SYNM: variants seen among roughly 807,000 people sequenced by gnomAD.
SYNM encodes the protein desmuslin.
A neutral mutation model predicts 104.0 loss-of-function variants in SYNM; 95 were observed. The observed-to-expected ratio is 0.91, with a 90% confidence interval of 0.77 to 1.08. The LOEUF is 1.08. Ranked by LOEUF, SYNM falls within the 50% of genes least tolerant of loss-of-function variation. The pLI, the probability that SYNM is intolerant of heterozygous loss-of-function variation, is 0.00. For missense variants in SYNM, 2,150 were observed against 2,052.2 expected (o/e 1.05, Z -0.92); for synonymous variants, 918 against 869.0 (o/e 1.06, Z -0.99).
intron 1 of SYNM, among the ~76,000 whole-genome samples, chr15:99,109,850 C>T (rs2067285055): frequency 6.6e-6 from 1 of 152,126 alleles, no homozygotes; most frequent in African/African-American, 2.4e-5. Flanking sequence ...GGCTAGGGCA[C>T]AGTGAACAGG....
chr15:99,114,787 C>T (rs1220612005), intron 2 of SYNM, among the ~76,000 whole-genome samples: 1 of 148,524 alleles, frequency 6.7e-6, no homozygotes, highest in Admixed American at 6.8e-5. Context: ...ACCCTCCTTT[C>T]CCCTGGGTGC....
chr15:99,132,736 C>A lies in SYNM; in HGVS notation c.4376C>A (p.Ser1459Ter). 1 of 1,613,912 alleles carries A rather than the reference C, an allele frequency of 6.2e-7. No homozygotes were observed. The highest frequency in any genetic ancestry group is 8.5e-7 in the Non-Finnish European group (1 of 1,179,890). ...ATTGCACCAGGGCCCAAAGAAACTT[C>A]GTTTACCTTTCAGATGGATGTGAGT... ...RHIAPGPKETSFTFQMDVSNV... is the reference protein window; with the variant it reads ...RHIAPGPKET Residue 1459 changes from serine to a stop codon, truncating the protein, a stop_gained, in exon 4 of 4, where the codon TCG becomes TAG. Coordinates refer to ENST00000336292, the MANE Select transcript of SYNM (RefSeq NM_145728.3). LOFTEE classifies it high-confidence loss of function.
chr15:99,127,602 G>T (rs1393884776), intron 3 of SYNM, among the ~76,000 whole-genome samples: 1 of 152,064 alleles, frequency 6.6e-6, no homozygotes, highest in African/African-American at 2.4e-5. Context: ...AGAATATTTG[G>T]GTTCTAGTCA....
intron 2 of SYNM, among the ~76,000 whole-genome samples, chr15:99,122,431 G>GT (rs2067409730): frequency 6.6e-6 from 1 of 151,996 alleles, no homozygotes; most frequent in African/African-American, 2.4e-5. Flanking sequence ...AGTACATTTT[G>GT]TTTTTTTAAG....
At chr15:99,117,692 C>T (rs1425954661) in intron 2 of SYNM, among the ~76,000 whole-genome samples, 1 of 151,864 alleles carries the variant, frequency 6.6e-6, no homozygotes, top group East Asian at 1.9e-4. Flanking sequence ...TCCTGAAAAG[C>T]CAGTGTAAAC....
Position 99,130,589 on chromosome 15 carries a change from C to T in SYNM, c.2229C>T (p.Val743=), listed in dbSNP as rs539838731. 3.8e-5 allele frequency: 62 copies of T among 1,613,648 alleles called. No homozygotes were observed. The East Asian group carries it at 9.1e-4, about 24-fold the overall frequency. The change falls in exon 4 of 4, where the codon GTC becomes GTT. Residue 743 remains valine (V), a synonymous_variant. Transcript: ENST00000336292. ...GLKGREGRAK[V]VNVEIVEEPV... ...AAGGGAGGGAGGGGAGAGCAAAGGTCGTCAACGTGGAGATCGTGGAGGAGC... is the reference window on the plus strand; with the variant it reads ...AAGGGAGGGAGGGGAGAGCAAAGGTTGTCAACGTGGAGATCGTGGAGGAGC...
rs1355396314 is a variant in SYNM at position 99,135,274 on chromosome 15, T to C, written c.*2216T>C. Reference sequence around the variant, plus strand: ...TAAATGTGAATCACGCGGGAGTGAGTGTGCCCTTCACACTGTGACATTGTG... The same window carrying C: ...TAAATGTGAATCACGCGGGAGTGAGCGTGCCCTTCACACTGTGACATTGTG... On this transcript the variant is annotated 3_prime_UTR_variant, in exon 4 of 4. Transcript: ENST00000336292. 6.6e-6 allele frequency: 1 copy of C among 152,596 alleles called. No homozygotes were observed. The highest frequency in any genetic ancestry group is 1.5e-5 in the Non-Finnish European group (1 of 68,030). 9.5% of individuals were successfully genotyped at this position (152,596 alleles called of 1,614,324 possible). A position where few individuals can be genotyped will look rare whatever the true frequency, so the allele number is the denominator to read the frequency against.
At position 99,134,812 on chromosome 15, in the gene SYNM, T is replaced by G. The variant is rs1555486489; in HGVS notation, c.*1754T>G. ...CCATGAATCAGATAGGGAAAGAAAG[T>G]TGATTGGAATAGCAAGTTTAAACCT... On this transcript the variant is annotated 3_prime_UTR_variant, in exon 4 of 4. Coordinates refer to ENST00000336292, the MANE Select transcript of SYNM (RefSeq NM_145728.3). 6.6e-6 allele frequency: 1 copy of G among 152,202 alleles called. No homozygotes were observed. Among genetic ancestry groups the G allele is most frequent in the Non-Finnish European group, 1.5e-5 (1 of 68,034 alleles). 9.4% of individuals were successfully genotyped at this position (152,202 alleles called of 1,614,324 possible). A position where few individuals can be genotyped will look rare whatever the true frequency, so the allele number is the denominator to read the frequency against.
downstream of SYNM, chr15:99,137,889 C>G: frequency 4.0e-6 from 6 of 1,495,096 alleles, no homozygotes; most frequent in South Asian, 6.5e-5. Flanking sequence ...TTGGGGCCAA[C>G]AGTTGGCCTT....
intron 1 of SYNM, among the ~76,000 whole-genome samples, chr15:99,109,281 G>A (rs539066414): frequency 6.6e-6 from 1 of 152,334 alleles, no homozygotes; most frequent in South Asian, 2.1e-4. Flanking sequence ...TAGATCACTT[G>A]AAGCCTGAGT....
chr15:99,123,564 C>T (rs1304585039), intron 2 of SYNM, among the ~76,000 whole-genome samples: 3 of 152,192 alleles, frequency 2.0e-5, no homozygotes, highest in Admixed American at 6.5e-5. Flanking sequence ...CTGGGGTGAC[C>T]CAGGCAGTGC....
chr15:99,112,140 C>T (rs1225154360), intron 1 of SYNM, among the ~76,000 whole-genome samples: 2 of 152,228 alleles, frequency 1.3e-5, no homozygotes, highest in Non-Finnish European at 2.9e-5. Flanking sequence ...TATGGACCCT[C>T]AGCATCTTGC....
At position 99,113,251 on chromosome 15, in the gene SYNM, G is replaced by A. The variant is rs1157016935; in HGVS notation, c.811-340G>A. Among the ~76,000 whole-genome samples, 6 of 152,198 alleles carry A rather than the reference G, an allele frequency of 3.9e-5. No individual in the cohort carries two copies. In the East Asian group the frequency reaches 7.7e-4, roughly 19 times the overall value. On this transcript the variant is annotated intron_variant, in intron 1 of 3. Coordinates refer to ENST00000336292, the MANE Select transcript of SYNM (RefSeq NM_145728.3). ...TTGGCTTATTTTCCATAGCGTCTTA[G>A]TGACTGGTTTGAAGCACTGGCTCTC...
downstream of SYNM, chr15:99,140,158 C>G (rs1443245722): frequency 6.0e-6 from 1 of 166,214 alleles, no homozygotes; most frequent in Non-Finnish European, 1.3e-5. Context: ...GGCAGAGAGC[C>G]CAAGCCTTGA....
chr15:99,124,410 G>A (rs1337257333), intron 2 of SYNM, among the ~76,000 whole-genome samples: 1 of 152,206 alleles, frequency 6.6e-6, no homozygotes, highest in Non-Finnish European at 1.5e-5. Context: ...GCCCAGCCGG[G>A]TGCTCACAGA....
In SYNM at chr15:99,105,927, G is replaced by T. The variant is rs1290916071; in HGVS notation, c.728G>T (p.Gly243Val). The T allele has an allele frequency of 2.6e-6, 4 of 1,529,250 alleles. No homozygotes were observed. Among genetic ancestry groups the T allele is most frequent in the African/African-American group, 2.8e-5 (2 of 71,522 alleles). The allele number at this position is 1,529,250 out of a possible 1,614,324, so 94.7% of individuals were successfully genotyped here. Residue 243 changes from glycine (G) to valine (V), a missense_variant, in exon 1 of 4, where the codon GGG (glycine) becomes GTG (valine). Physicochemically the swap from Gly to Val is moderately radical, Grantham distance 109 (BLOSUM62 -3). Coordinates refer to ENST00000336292, the MANE Select transcript of SYNM (RefSeq NM_145728.3). ...GAGGCGCTGCGGCGCGAGGCGCTCG[G>T]GTTGGAGCAGCTGCGCGCGCGGCTG... is the stretch of plus-strand genomic sequence containing the variant. Reference protein sequence around the residue: ...EAEALRREALGLEQLRARLED... With the variant: ...EAEALRREALVLEQLRARLED...
Position 99,131,785 on chromosome 15 carries a change from A to G in SYNM, c.3425A>G (p.Tyr1142Cys). The G allele has an allele frequency of 6.2e-7, 1 of 1,613,990 alleles. No homozygotes were observed. Among genetic ancestry groups the G allele is most frequent in the Non-Finnish European group, 8.5e-7 (1 of 1,179,910 alleles). Residue 1142 changes from tyrosine to cysteine, a missense_variant, in exon 4 of 4, where the codon TAT (tyrosine) becomes TGT (cysteine). Physicochemically the swap from Tyr to Cys is radical, Grantham distance 194. Transcript: ENST00000336292. The surrounding 1 kb of genome is among the most constrained non-coding windows in gnomAD (Gnocchi z 4.3). The stretch of plus-strand genomic sequence containing the variant: ...GTCTGGAGGACTGAGCGAATGTCAT[A>G]TGAAGGACCCACTGCAGAAGTGGTG... The part of the protein sequence containing the change: ...SEVWRTERMS[Y>C]EGPTAEVVEV...
At chr15:99,139,890 C>T (rs1381674801), downstream of SYNM, 12 of 556,238 alleles carry the variant, frequency 2.2e-5, no homozygotes, top group Admixed American at 3.6e-5. Context: ...CTACCCAGGG[C>T]TGGCTTTGGC....
chr15:99,130,060 C>T lies in SYNM; in HGVS notation c.1700C>T (p.Pro567Leu), dbSNP rs3743244. The T allele has an allele frequency of 0.15, 245,955 of 1,613,700 alleles. 19,270 individuals are homozygous for T. The highest frequency in any genetic ancestry group is 0.21 in the Admixed American group (12,865 of 59,974). The change falls in exon 4 of 4, where the codon CCG becomes CTG. Residue 567 changes from proline to leucine, a missense_variant. Pro to Leu is a moderately conservative substitution (Grantham distance 98, BLOSUM62 -3). Transcript: ENST00000336292. ...MKEKAKEKDS[P>L]KEKSVREREV... ...GAGAAGGCTAAGGAGAAGGACTCAC[C>T]GAAGGAGAAGAGCGTGCGAGAGAGA...
Sources: gnomAD v4.1 joint callset for allele counts (sites outside exome capture counted in the v4.1 genomes callset) on GRCh38, gnomAD v4.1.1 for gene constraint, Gnocchi (gnomAD v3.1) non-coding constraint, MANE v1.5 for transcripts, NCBI Gene and HGNC (gene_info 2026-07-23, HGNC 2026-07-21) for gene names.